Variants in LRP1B observed in about 807,000 individuals in gnomAD.
The protein encoded by LRP1B is LDL receptor related protein 1B, also known as low-density lipoprotein receptor-related protein 1B.
In LRP1B, 217 loss-of-function variants were observed where a neutral mutation model predicts 556.6. The observed-to-expected ratio is 0.39, with a 90% CI of 0.35 to 0.44. The LOEUF is 0.44. Ranked by LOEUF, LRP1B falls within the 20% of genes least tolerant of loss-of-function variation. The probability of loss-of-function intolerance (pLI) is 1.00; values close to 1 mark genes in which losing one functional copy is unlikely to be tolerated. For missense variants in LRP1B, 5,053 were observed against 5,620.8 expected (o/e 0.90, Z 3.23); for synonymous variants, 2,047 against 1,865.8 (o/e 1.10, Z -2.50).
chr2:141,107,807 G>T (rs1473386660), intron 7 of LRP1B, among the ~76,000 whole-genome samples: 1 of 151,978 alleles, frequency 6.6e-6, no homozygotes, highest in African/African-American at 2.4e-5. Flanking sequence ...GGCTGTAACT[G>T]ATTATGATAT....
At chr2:140,853,115 C>G (rs1029009611) in intron 27 of LRP1B, among the ~76,000 whole-genome samples, 2 of 151,996 alleles carry the variant, frequency 1.3e-5, no homozygotes, top group African/African-American at 4.8e-5. Flanking sequence ...CTGTGACCTT[C>G]CCTCCACCCC....
chr2:140,896,202 A>G (rs1466400755), intron 23 of LRP1B, among the ~76,000 whole-genome samples: 1 of 152,140 alleles, frequency 6.6e-6, no homozygotes, highest in African/African-American at 2.4e-5. Context: ...ATGAATTAAT[A>G]AATGAATTAA....
intron 84 of LRP1B, among the ~76,000 whole-genome samples, chr2:140,289,070 C>A (rs1383785388): frequency 6.6e-6 from 1 of 151,854 alleles, no homozygotes; most frequent in Non-Finnish European, 1.5e-5. Flanking sequence ...ATTAAGCATT[C>A]TTAAAATTTT....
At chr2:141,472,106 G>A (rs1682496135) in intron 3 of LRP1B, among the ~76,000 whole-genome samples, 1 of 152,168 alleles carries the variant, frequency 6.6e-6, no homozygotes, top group Non-Finnish European at 1.5e-5. Context: ...TGAGAAACAG[G>A]TAGAAATAAT....
intron 84 of LRP1B, among the ~76,000 whole-genome samples, chr2:140,281,673 C>T (rs1028333322): frequency 6.6e-6 from 1 of 151,756 alleles, no homozygotes; most frequent in Non-Finnish European, 1.5e-5. Flanking sequence ...TAATTTAAGG[C>T]TGCATTCACA....
intron 25 of LRP1B, among the ~76,000 whole-genome samples, chr2:140,877,908 C>A (rs1234909762): frequency 6.6e-6 from 1 of 152,160 alleles, no homozygotes; most frequent in Non-Finnish European, 1.5e-5. Context: ...AATAAACTTT[C>A]TAGATTAACT....
intron 41 of LRP1B, among the ~76,000 whole-genome samples, chr2:140,664,258 G>A (rs1685193140): frequency 6.6e-6 from 1 of 152,142 alleles, no homozygotes; most frequent in East Asian, 1.9e-4. Context: ...GAAAAATAGT[G>A]CCAACAGACT....
At chr2:140,767,359 C>G (rs1689155677) in intron 35 of LRP1B, among the ~76,000 whole-genome samples, 2 of 151,882 alleles carry the variant, frequency 1.3e-5, no homozygotes, top group Non-Finnish European at 1.5e-5. Flanking sequence ...AAAGTTTTAA[C>G]TAAAACAGGT....
intron 2 of LRP1B, among the ~76,000 whole-genome samples, chr2:141,662,748 A>G (rs1362983844): frequency 1.3e-5 from 2 of 152,030 alleles, no homozygotes; most frequent in East Asian, 3.9e-4. Flanking sequence ...TTAACACCCC[A>G]CTGTCAATAT....
intron 1 of LRP1B, among the ~76,000 whole-genome samples, chr2:141,998,277 C>A (rs892571136): frequency 5.9e-5 from 9 of 151,970 alleles, no homozygotes; most frequent in African/African-American, 2.2e-4. Flanking sequence ...CTAACACACC[C>A]AGATTCTCTC....
chr2:141,494,974 C>T (rs1683463903), intron 2 of LRP1B, among the ~76,000 whole-genome samples: 1 of 151,832 alleles, frequency 6.6e-6, no homozygotes. Context: ...GAATTCCTTA[C>T]ATTTATGGAC....
intron 3 of LRP1B, among the ~76,000 whole-genome samples, chr2:141,414,253 AG>A (rs1238357637): frequency 6.8e-6 from 1 of 147,594 alleles, no homozygotes; most frequent in Non-Finnish European, 1.5e-5. Context: ...AAAAAAAAAA[AG>A]AAAAAGGAAG....
At chr2:141,226,132 A>AC (rs397813554) in intron 6 of LRP1B, among the ~76,000 whole-genome samples, 11 of 151,468 alleles carry the variant, frequency 7.3e-5, no homozygotes, top group South Asian at 2.1e-4. Context: ...CCCAAAAAAA[A>AC]CCAAAAGAAT....
At position 141,015,750 on chromosome 2, in the gene LRP1B, A is replaced by G; in HGVS notation, c.2136T>C (p.Cys712=). Residue 712 remains cysteine (C), a synonymous_variant, in exon 13 of 91, where the codon TGT becomes TGC. Transcript: ENST00000389484. ...TTTCAATATGATCGTAATAGGCATCACACCAGTATAATGTGTTGGTGTGAA... is the reference window on the plus strand; with the variant it reads ...TTTCAATATGATCGTAATAGGCATCGCACCAGTATAATGTGTTGGTGTGAA... ...LDFHTNTLYW[C]DAYYDHIEKV... 1 of 1,613,422 alleles carries G rather than the reference A, an allele frequency of 6.2e-7. No individual in the cohort carries two copies. The highest frequency in any genetic ancestry group is 8.5e-7 in the Non-Finnish European group (1 of 1,179,670).
rs149832757 is a variant in LRP1B at position 141,773,925 on chromosome 2, C to T, written c.205+36354G>A. Among the ~76,000 whole-genome samples the T allele has an allele frequency of 5.3e-5, 8 of 152,236 alleles. 1 individual carries two copies. Among genetic ancestry groups the T allele is most frequent in the Admixed American group, 2.0e-4 (3 of 15,292 alleles). ...TTAAATCAAAAGTGAAAAATAAAAA[C>T]GCAGGTATCAGTGTTTATGTCCAGA... On this transcript the variant is annotated intron_variant, in intron 2 of 90. Coordinates refer to ENST00000389484, the MANE Select transcript of LRP1B (RefSeq NM_018557.3).
chr2:141,668,473 G>A (rs571235277), intron 2 of LRP1B, among the ~76,000 whole-genome samples: 1 of 152,172 alleles, frequency 6.6e-6, no homozygotes, highest in Non-Finnish European at 1.5e-5. Flanking sequence ...CAGAAGAGAA[G>A]AGGAACAGAA....
intron 18 of LRP1B, among the ~76,000 whole-genome samples, chr2:140,958,442 A>G (rs1421062238): frequency 6.6e-6 from 1 of 151,696 alleles, no homozygotes; most frequent in Non-Finnish European, 1.5e-5. Context: ...AAGTTAAATT[A>G]CAAATTAGTA....
At chr2:140,284,872 ATATC>A (rs1458971675) in intron 84 of LRP1B, among the ~76,000 whole-genome samples, 2 of 148,270 alleles carry the variant, frequency 1.3e-5, no homozygotes, top group Non-Finnish European at 3.0e-5. Flanking sequence ...CTCTATGTAT[ATATC>A]TATCTATATC....
At chr2:141,954,592 T>C (rs912282279) in intron 1 of LRP1B, among the ~76,000 whole-genome samples, 2 of 152,158 alleles carry the variant, frequency 1.3e-5, no homozygotes, top group Non-Finnish European at 2.9e-5. Flanking sequence ...TTAACATGTT[T>C]TCTGGAACAC....
Sources: gnomAD v4.1 joint callset for allele counts (sites outside exome capture counted in the v4.1 genomes callset) on GRCh38, gnomAD v4.1.1 for gene constraint, MANE v1.5 for transcripts, NCBI Gene and HGNC (gene_info 2026-07-23, HGNC 2026-07-21) for gene names.